Variants in ANKS1B observed in about 807,000 individuals in gnomAD.
ANKS1B encodes ankyrin repeat and sterile alpha motif domain-containing protein 1B.
ANKS1B carries 36 observed loss-of-function variants against 148.3 expected under a neutral mutation model. The ratio of observed to expected loss-of-function variants is 0.24; its 90% confidence interval spans 0.19 to 0.32. The LOEUF is 0.32. Among genes scored for constraint, ANKS1B ranks in the 10% least tolerant of loss-of-function variants. The pLI, the probability that ANKS1B is intolerant of heterozygous loss-of-function variation, is 1.00. For missense variants in ANKS1B, 1,157 were observed against 1,542.6 expected (o/e 0.75, Z 4.19); for synonymous variants, 542 against 560.8 (o/e 0.97, Z 0.47).
At chr12:98,909,801 A>G (rs2099784286) in intron 17 of ANKS1B, among the ~76,000 whole-genome samples, 1 of 152,244 alleles carries the variant, frequency 6.6e-6, no homozygotes, top group African/African-American at 2.4e-5. Context: ...GGCTGCCTCA[A>G]ATGTGTCTAA....
chr12:99,458,146 T>C (rs12314216), intron 10 of ANKS1B, among the ~76,000 whole-genome samples: 1,837 of 152,134 alleles, frequency 0.012, 48 homozygotes, highest in African/African-American at 0.042. Context: ...TGCAAATACA[T>C]AGAAACTGAA....
chr12:99,108,077 G>T (rs755662868), intron 15 of ANKS1B, among the ~76,000 whole-genome samples: 2 of 152,176 alleles, frequency 1.3e-5, no homozygotes, highest in Non-Finnish European at 2.9e-5. Context: ...AGGCTCAAAT[G>T]ACCTTATCCT....
intron 8 of ANKS1B, among the ~76,000 whole-genome samples, chr12:99,763,632 C>CATAT (rs2062370747): frequency 6.6e-6 from 1 of 151,416 alleles, no homozygotes; most frequent in Non-Finnish European, 1.5e-5. Flanking sequence ...AACAAACCTG[C>CATAT]ATATGTACCT....
chr12:99,740,411 A>G (rs1174651146), intron 8 of ANKS1B, among the ~76,000 whole-genome samples: 3 of 152,218 alleles, frequency 2.0e-5, no homozygotes, highest in Non-Finnish European at 4.4e-5. Flanking sequence ...CCTCTGTGAA[A>G]TATTCCAGGA....
intron 10 of ANKS1B, among the ~76,000 whole-genome samples, chr12:99,501,105 C>G (rs956888620): frequency 2.0e-5 from 3 of 151,326 alleles, no homozygotes; most frequent in Non-Finnish European, 4.4e-5. Flanking sequence ...TTTTTCCTCT[C>G]CAATATGCTA....
intron 8 of ANKS1B, among the ~76,000 whole-genome samples, chr12:99,772,391 C>T (rs1346832075): frequency 6.6e-6 from 1 of 152,098 alleles, no homozygotes; most frequent in Non-Finnish European, 1.5e-5. Flanking sequence ...GGCGTTGTCA[C>T]AGGAACTAAC....
chr12:99,937,370 C>T (rs1000905227), intron 1 of ANKS1B, among the ~76,000 whole-genome samples: 1 of 152,152 alleles, frequency 6.6e-6, no homozygotes, highest in Non-Finnish European at 1.5e-5. Context: ...TCTACAGCTA[C>T]ATGGTCAATA....
At chr12:99,391,439 A>G (rs544938996) in intron 12 of ANKS1B, among the ~76,000 whole-genome samples, 29 of 152,132 alleles carry the variant, frequency 1.9e-4, no homozygotes, top group Non-Finnish European at 8.8e-5. Context: ...TTTTTTAAAT[A>G]TGCTATTCCT....
chr12:99,976,474 G>A (rs1396888462), intron 1 of ANKS1B, among the ~76,000 whole-genome samples: 2 of 152,134 alleles, frequency 1.3e-5, no homozygotes, highest in East Asian at 1.9e-4. Context: ...ATTGAGGAGG[G>A]TTAAAGGGAA....
chr12:99,056,892 T>C lies in ANKS1B; in HGVS notation c.2626-3583A>G, dbSNP rs187911296. 2.0e-3 allele frequency among the ~76,000 whole-genome samples: 302 copies of C among 152,346 alleles called. 5 individuals carry two copies. Among genetic ancestry groups the C allele is most frequent in the Non-Finnish European group, 5.9e-4 (40 of 68,036 alleles). ...TAGGACATCTCACATAAATGTCCTA[T>C]AGGTGTCACCAACATAAGTCAAAAA... On this transcript the variant is annotated intron_variant, in intron 16 of 26. Coordinates refer to ENST00000683438, the MANE Select transcript of ANKS1B (RefSeq NM_001352186.2).
intron 17 of ANKS1B, among the ~76,000 whole-genome samples, chr12:98,915,756 G>A (rs528046067): frequency 6.6e-6 from 1 of 152,182 alleles, no homozygotes; most frequent in African/African-American, 2.4e-5. Context: ...AAATGTATGG[G>A]TGAATAAACA....
At chr12:99,915,179 C>T (rs780199105) in intron 1 of ANKS1B, among the ~76,000 whole-genome samples, 17 of 146,832 alleles carry the variant, frequency 1.2e-4, no homozygotes, top group Non-Finnish European at 2.1e-4. Flanking sequence ...GAGCTGAGGT[C>T]GCACCATTGC....
At chr12:99,592,726 C>G (rs182356347) in intron 9 of ANKS1B, among the ~76,000 whole-genome samples, 1 of 152,158 alleles carries the variant, frequency 6.6e-6, no homozygotes, top group Non-Finnish European at 1.5e-5. Context: ...GAGCCAAATA[C>G]GAGTGAGCAA....
At chr12:99,866,750 G>A (rs746082416) in intron 1 of ANKS1B, among the ~76,000 whole-genome samples, 1 of 152,062 alleles carries the variant, frequency 6.6e-6, no homozygotes, top group African/African-American at 2.4e-5. Flanking sequence ...AAATAAATCA[G>A]TAAAAGAAAA....
intron 1 of ANKS1B, among the ~76,000 whole-genome samples, chr12:99,933,550 C>T (rs754291930): frequency 4.0e-5 from 6 of 151,724 alleles, no homozygotes; most frequent in Non-Finnish European, 5.9e-5. Context: ...GACTGTTCAC[C>T]CTGGCATATA....
chr12:99,984,375 C>A lies in ANKS1B; in HGVS notation c.-138G>T. Reference sequence around the variant, plus strand: ...GAGCTTCAGCACGGAGAGCTCCCTGCAGCCCCAGGCAGGGAGCACGACTCT... The same window carrying A: ...GAGCTTCAGCACGGAGAGCTCCCTGAAGCCCCAGGCAGGGAGCACGACTCT... On this transcript the variant is annotated 5_prime_UTR_variant, in exon 1 of 27. Coordinates refer to ENST00000683438, the MANE Select transcript of ANKS1B (RefSeq NM_001352186.2). The A allele has an allele frequency of 4.8e-6, 3 of 620,730 alleles. No homozygotes were observed. Among genetic ancestry groups the A allele is most frequent in the Non-Finnish European group, 8.0e-6 (3 of 376,770 alleles). The allele number at this position is 620,730 out of a possible 1,614,324, so 38.5% of individuals were successfully genotyped here. A position where few individuals can be genotyped will look rare whatever the true frequency, so the allele number is the denominator to read the frequency against.
At chr12:99,720,906 G>T (rs965619755) in intron 8 of ANKS1B, among the ~76,000 whole-genome samples, 7 of 152,134 alleles carry the variant, frequency 4.6e-5, no homozygotes, top group African/African-American at 1.7e-4. Flanking sequence ...ATCCCAAACT[G>T]CCACTCTTAA....
At chr12:99,852,595 G>A (rs1017311235) in intron 1 of ANKS1B, among the ~76,000 whole-genome samples, 1 of 152,170 alleles carries the variant, frequency 6.6e-6, no homozygotes, top group Non-Finnish European at 1.5e-5. Context: ...TGGCGGATAG[G>A]AGGTAGGACT....
rs553140959 is a variant in ANKS1B at position 98,775,538 on chromosome 12, A to G, written c.3442-2359T>C. On this transcript the variant is annotated intron_variant, in intron 24 of 26. Coordinates refer to ENST00000683438, the MANE Select transcript of ANKS1B (RefSeq NM_001352186.2). ...CCATCTCAGCTCACTGCAACTTCTC[A>G]GGCTCAAGCAATCCTCCCACCTCAG... is the stretch of plus-strand genomic sequence containing the variant. Among the ~76,000 whole-genome samples the G allele has an allele frequency of 4.6e-5, 7 of 151,816 alleles. No individual in the cohort carries two copies. The South Asian group carries it at 1.5e-3, about 32-fold the overall frequency.
Sources: allele counts gnomAD v4.1 joint callset (sites outside exome capture counted in the v4.1 genomes callset), GRCh38; gene constraint gnomAD v4.1.1; transcripts MANE v1.5; gene names NCBI Gene and HGNC (gene_info 2026-07-23, HGNC 2026-07-21).